Variants in SLC24A1 observed in about 807,000 individuals in gnomAD.
SLC24A1 encodes the protein solute carrier family 24 member 1.
Under a neutral mutation model 88.1 loss-of-function variants are expected in SLC24A1, and 52 were observed. The ratio of observed to expected loss-of-function variants is 0.59; its 90% CI spans 0.47 to 0.74. The LOEUF is 0.74. Ranked by LOEUF, SLC24A1 falls within the 30% of genes least tolerant of loss-of-function variation. The pLI, the probability that SLC24A1 is intolerant of heterozygous loss-of-function variation, is 0.00. For missense variants in SLC24A1, 1,173 were observed against 1,363.3 expected (o/e 0.86, Z 2.20); for synonymous variants, 455 against 498.0 (o/e 0.91, Z 1.15).
chr15:65,653,823 C>T lies in SLC24A1; in HGVS notation c.3051-7C>T, dbSNP rs1566968229. The T allele has an allele frequency of 6.2e-7, 1 of 1,613,082 alleles. No individual in the cohort carries two copies. Among genetic ancestry groups the T allele is most frequent in the African/African-American group, 1.3e-5 (1 of 74,838 alleles). Reference sequence around the variant, plus strand: ...AGGATATTCACATCGTTTCTTCAATCTTGCAGCTTGCCTGTTCCTTGGTTG... The same window carrying T: ...AGGATATTCACATCGTTTCTTCAATTTTGCAGCTTGCCTGTTCCTTGGTTG... On this transcript the variant is annotated splice_region_variant and splice_polypyrimidine_tract_variant and intron_variant, in intron 9 of 9. Coordinates refer to ENST00000261892, the MANE Select transcript of SLC24A1 (RefSeq NM_004727.3).
At chr15:65,644,592 G>A in intron 5 of SLC24A1, 79 bp downstream of exon 5, 1 of 1,012,244 alleles carries the variant, frequency 9.9e-7, no homozygotes, top group Non-Finnish European at 1.5e-6. Context: ...CCTGGAGGCA[G>A]CAGCCAGCCA....
At chr15:65,616,181 A>G (rs910568017) in intron 2 of SLC24A1, among the ~76,000 whole-genome samples, 1 of 152,162 alleles carries the variant, frequency 6.6e-6, no homozygotes, top group Non-Finnish European at 1.5e-5. Flanking sequence ...TAGTGCCACA[A>G]TAAACATATG....
intron 1 of SLC24A1, 55 bp downstream of exon 1, chr15:65,622,147 T>C (rs2074338935): frequency 6.6e-6 from 1 of 152,178 alleles, no homozygotes; most frequent in South Asian, 2.1e-4. Flanking sequence ...TCAGCTCTGT[T>C]ACATAACACA....
intron 2 of SLC24A1, among the ~76,000 whole-genome samples, chr15:65,629,254 C>T (rs899537909): frequency 6.6e-6 from 1 of 152,100 alleles, no homozygotes; most frequent in African/African-American, 2.4e-5. Context: ...GTTTATTCTG[C>T]CCTGAGTATC....
Position 65,655,909 on chromosome 15 carries a change from T to G in SLC24A1, c.*1830T>G, listed in dbSNP as rs746863282. ...TCATCCTTATCTTTAGGTCATTTGG[T>G]CAGAATCCTCCCGAGAAGACTGATG... On this transcript the variant is annotated 3_prime_UTR_variant, in exon 10 of 10. Transcript: ENST00000261892. 41 of 985,286 alleles carry G rather than the reference T, an allele frequency of 4.2e-5. No individual in the cohort carries two copies. The highest frequency in any genetic ancestry group is 4.9e-5 in the Non-Finnish European group (41 of 829,900). 61.0% of individuals were successfully genotyped at this position (985,286 alleles called of 1,614,324 possible). A position where few individuals can be genotyped will look rare whatever the true frequency, so the allele number is the denominator to read the frequency against.
chr15:65,652,052 C>A (rs1400519597), intron 8 of SLC24A1: 2 of 405,064 alleles, frequency 4.9e-6, no homozygotes, highest in Non-Finnish European at 9.3e-6. Context: ...ATGTACCCAT[C>A]CCTCTCACCT....
At chr15:65,643,327 A>C (rs1221141235) in intron 4 of SLC24A1, among the ~76,000 whole-genome samples, 1 of 152,186 alleles carries the variant, frequency 6.6e-6, no homozygotes, top group Admixed American at 6.5e-5. Context: ...CAGCAGTAAA[A>C]GTGTTTTTAT....
chr15:65,644,051 G>C (rs941877445), intron 4 of SLC24A1: 10 of 222,814 alleles, frequency 4.5e-5, no homozygotes, highest in Non-Finnish European at 9.0e-5. Flanking sequence ...ACAAAGTTTG[G>C]GTCAGAGTCC....
intron 2 of SLC24A1, among the ~76,000 whole-genome samples, chr15:65,615,717 C>CA (rs2074116018): frequency 6.6e-6 from 1 of 151,970 alleles, no homozygotes; most frequent in African/African-American, 2.4e-5. Flanking sequence ...GATAAAAATT[C>CA]AAAGTTAATT....
In SLC24A1 at chr15:65,625,795, T is replaced by C. The variant is rs759114537; in HGVS notation, c.1715T>C (p.Leu572Pro). 2 of 1,614,072 alleles carry C rather than the reference T, an allele frequency of 1.2e-6. No individual in the cohort carries two copies. The highest frequency in any genetic ancestry group is 1.7e-6 in the Non-Finnish European group (2 of 1,179,900). ...VSFYILDLIM[L>P]ILFFLDSLIA... is the part of the protein sequence containing the mutation. ...TTCTACATCCTTGACCTGATAATGC[T>C]CATCCTCTTCTTCCTGGACAGCCTC... is the stretch of plus-strand genomic sequence containing the variant. The change falls in exon 2 of 10, where the codon CTC becomes CCC. Residue 572 changes from leucine (L) to proline (P), a missense_variant. Transcript: ENST00000261892.
At chr15:65,657,605 C>A (rs1431811209), downstream of SLC24A1, among the ~76,000 whole-genome samples, 2 of 152,336 alleles carry the variant, frequency 1.3e-5, no homozygotes, top group Non-Finnish European at 2.9e-5. Context: ...GATCGTGCCA[C>A]TGCACTCCAG....
intron 2 of SLC24A1, among the ~76,000 whole-genome samples, chr15:65,615,865 C>T (rs2074120729): frequency 2.8e-5 from 4 of 140,376 alleles, no homozygotes; most frequent in Non-Finnish European, 6.0e-5. Context: ...TCTCCTAATG[C>T]TATCCCTCCC....
At position 65,655,377 on chromosome 15, in the gene SLC24A1, C is replaced by T. The variant is rs1230783937; in HGVS notation, c.*1298C>T. On this transcript the variant is annotated 3_prime_UTR_variant, in exon 10 of 10. Transcript: ENST00000261892. Reference sequence around the variant, plus strand: ...TAAGGTAATTACAAAAGGGAAATTCCAAGAATGCATAACACAATGACAACA... The same window carrying T: ...TAAGGTAATTACAAAAGGGAAATTCTAAGAATGCATAACACAATGACAACA... The T allele has an allele frequency of 3.0e-6, 3 of 985,164 alleles. No homozygotes were observed. Among genetic ancestry groups the T allele is most frequent in the African/African-American group, 3.5e-5 (2 of 57,192 alleles). The allele number at this position is 985,164 out of a possible 1,614,324, so 61.0% of individuals were successfully genotyped here.
intron 4 of SLC24A1, 131 bp from the exon 5 acceptor site, chr15:65,644,296 A>G (rs2075230697): frequency 1.4e-6 from 1 of 709,934 alleles, no homozygotes; most frequent in Non-Finnish European, 2.6e-6. Flanking sequence ...AGATGTCACA[A>G]CCCCCATGGC....
chr15:65,642,895 C>A, intron 4 of SLC24A1: 3 of 799,492 alleles, frequency 3.8e-6, no homozygotes, highest in African/African-American at 1.8e-5. Context: ...CACTTTCCAG[C>A]TTCTCCGTTT....
At position 65,624,087 on chromosome 15, in the gene SLC24A1, A is replaced by C. The variant is rs1376228253; in HGVS notation, c.7A>C (p.Lys3Gln). The change falls in exon 2 of 10, where the codon AAA becomes CAA. Residue 3 changes from lysine (K) to glutamine (Q), a missense_variant. Transcript: ENST00000261892. The part of the protein sequence containing the change: MG[K>Q]LIRMGPQERW... ...CCAGATATAACTGGCCAGCATGGGG[A>C]AATTGATCAGGATGGGGCCGCAAGA... 39 of 1,581,958 alleles carry C rather than the reference A, an allele frequency of 2.5e-5. No individual in the cohort carries two copies. Among genetic ancestry groups the C allele is most frequent in the Non-Finnish European group, 3.3e-5 (38 of 1,166,266 alleles).
chr15:65,655,019 G>A lies in SLC24A1; in HGVS notation c.*940G>A. ...TTTATAATTTGCCCTTGAATTGGAA[G>A]GAATGGAGATTAGGGAAGGAAAACT... On this transcript the variant is annotated 3_prime_UTR_variant, in exon 10 of 10. Transcript: ENST00000261892. 9.6e-7 allele frequency: 1 copy of A among 1,045,074 alleles called. No individual in the cohort carries two copies. 64.7% of individuals were successfully genotyped at this position (1,045,074 alleles called of 1,614,324 possible).
At chr15:65,658,894 G>C (rs1200941989), downstream of SLC24A1, among the ~76,000 whole-genome samples, 1 of 152,064 alleles carries the variant, frequency 6.6e-6, no homozygotes, top group Non-Finnish European at 1.5e-5. Context: ...CAAATGGGGA[G>C]ACATACTAGA....
intron 3 of SLC24A1, 34 bp from the exon 4 acceptor site, chr15:65,639,561 C>A: frequency 5.6e-6 from 8 of 1,432,176 alleles, no homozygotes; most frequent in Non-Finnish European, 6.7e-6. Context: ...CTGGCTTGGA[C>A]AGGGGCCCAC....
Sources: allele counts gnomAD v4.1 joint callset (sites outside exome capture counted in the v4.1 genomes callset), GRCh38; gene constraint gnomAD v4.1.1; transcripts MANE v1.5; gene names NCBI Gene and HGNC (gene_info 2026-07-23, HGNC 2026-07-21).